FAR1: variants seen among roughly 807,000 people sequenced by gnomAD.
The protein encoded by FAR1 is male sterility domain-containing protein 2.
Under a neutral mutation model 61.1 loss-of-function variants are expected in FAR1, and 22 were observed. The ratio of observed to expected loss-of-function variants is 0.36; its 90% CI spans 0.26 to 0.51. The LOEUF is 0.51. Ranked by LOEUF, FAR1 falls within the 20% of genes least tolerant of loss-of-function variation. The probability of loss-of-function intolerance (pLI) is 0.95; values close to 1 mark genes in which losing one functional copy is unlikely to be tolerated. For missense variants in FAR1, 359 were observed against 626.9 expected (o/e 0.57, Z 4.56); for synonymous variants, 206 against 209.7 (o/e 0.98, Z 0.15).
intron 2 of FAR1, among the ~76,000 whole-genome samples, chr11:13,698,658 G>A (rs1170613383): frequency 1.3e-5 from 2 of 151,946 alleles, no homozygotes; most frequent in Non-Finnish European, 2.9e-5. Context: ...GTGAAACCCC[G>A]TCTCTACTAA....
chr11:13,677,264 C>T (rs1159259625), intron 1 of FAR1, among the ~76,000 whole-genome samples: 4 of 152,076 alleles, frequency 2.6e-5, no homozygotes, highest in South Asian at 4.1e-4. Context: ...TTAGGGTAGG[C>T]GTGTTTTAGG....
At chr11:13,679,863 C>T (rs1188719886) in intron 1 of FAR1, among the ~76,000 whole-genome samples, 1 of 152,148 alleles carries the variant, frequency 6.6e-6, no homozygotes, top group African/African-American at 2.4e-5. Flanking sequence ...GGAACAGCAT[C>T]ATTATATGAA....
intron 4 of FAR1, among the ~76,000 whole-genome samples, chr11:13,708,447 G>GCGCACACACA (rs139902063): frequency 0.053 from 7,296 of 136,426 alleles, 231 homozygotes; most frequent in South Asian, 0.078. Flanking sequence ...GCGCGCGCGC[G>GCGCACACACA]CACACACACA....
chr11:13,692,058 C>G (rs1848256275), intron 1 of FAR1, among the ~76,000 whole-genome samples: 1 of 152,066 alleles, frequency 6.6e-6, no homozygotes, highest in African/African-American at 2.4e-5. Flanking sequence ...GTCCCAGCTA[C>G]TCGAAGGCTG....
At chr11:13,688,530 A>G (rs10832099) in intron 1 of FAR1, among the ~76,000 whole-genome samples, 4,885 of 152,184 alleles carry the variant, frequency 0.032, 113 homozygotes, top group Non-Finnish European at 0.047. Context: ...TAATTTCTCA[A>G]TTGTTAGAGG....
intron 1 of FAR1, among the ~76,000 whole-genome samples, chr11:13,674,201 C>T (rs183217590): frequency 3.3e-5 from 5 of 150,564 alleles, no homozygotes; most frequent in Admixed American, 2.0e-4. Context: ...CCCAGCTACT[C>T]GGGAGGCTGA....
chr11:13,690,606 CTCT>C (rs1204762643), intron 1 of FAR1, among the ~76,000 whole-genome samples: 1 of 152,188 alleles, frequency 6.6e-6, no homozygotes. Context: ...CTGCACCATT[CTCT>C]TCTTGTCCCA....
chr11:13,699,204 A>G (rs529569540), intron 2 of FAR1, among the ~76,000 whole-genome samples: 49 of 152,258 alleles, frequency 3.2e-4, no homozygotes, highest in African/African-American at 1.0e-3. Flanking sequence ...TGTTTCTCCT[A>G]TGCAGGCCCG....
chr11:13,715,851 G>C (rs1370397279), intron 9 of FAR1: 1 of 151,918 alleles, frequency 6.6e-6, no homozygotes, highest in Non-Finnish European at 1.5e-5. Flanking sequence ...GTATAAAGAA[G>C]ATGCTGATCC....
At chr11:13,688,223 A>G (rs1185585720) in intron 1 of FAR1, among the ~76,000 whole-genome samples, 1 of 148,518 alleles carries the variant, frequency 6.7e-6, no homozygotes, top group Non-Finnish European at 1.5e-5. Flanking sequence ...TGGTGGCATT[A>G]TGCTAAGTTG....
At chr11:13,705,940 G>T (rs1848426995) in intron 3 of FAR1, among the ~76,000 whole-genome samples, 1 of 152,088 alleles carries the variant, frequency 6.6e-6, no homozygotes, top group Non-Finnish European at 1.5e-5. Context: ...AAATGTGATA[G>T]ACATCAAAGC....
intron 1 of FAR1, among the ~76,000 whole-genome samples, chr11:13,674,326 A>G (rs549317211): frequency 2.3e-3 from 349 of 151,748 alleles, no homozygotes; most frequent in Middle Eastern, 6.9e-3. Flanking sequence ...AAAAAAAAAG[A>G]AAAAAAGAAA....
intron 1 of FAR1, among the ~76,000 whole-genome samples, chr11:13,670,382 A>T (rs1847985150): frequency 6.6e-6 from 1 of 152,130 alleles, no homozygotes; most frequent in African/African-American, 2.4e-5. Flanking sequence ...TCCACCTCCC[A>T]GGTTCAAGTG....
chr11:13,669,625 G>C (rs1487077033), intron 1 of FAR1: 3 of 152,270 alleles, frequency 2.0e-5, no homozygotes, highest in African/African-American at 7.2e-5. Flanking sequence ...CGGTGTCGGA[G>C]AGTGGAGGGT....
In FAR1 at chr11:13,721,730, G is replaced by A; in HGVS notation, c.1128G>A (p.Arg376=). 6.2e-7 allele frequency: 1 copy of A among 1,609,056 alleles called. No homozygotes were observed. The highest frequency in any genetic ancestry group is 8.5e-7 in the Non-Finnish European group (1 of 1,178,176). The change falls in exon 10 of 12, where the codon AGG becomes AGA. Residue 376 remains arginine (R), a splice_region_variant and synonymous_variant. Coordinates refer to ENST00000354817, the MANE Select transcript of FAR1 (RefSeq NM_032228.6). This position sits in a 1 kb window ranked among gnomAD's most constrained non-coding sequence, Gnocchi z 4.2. ...TCTGTCCATTTTTCTTACAATACAG[G>A]ATGATGAAAACAATAACTCGTCTTC... is the stretch of plus-strand genomic sequence containing the variant. ...IYLRMTGRSP[R]MMKTITRLHK... is the part of the protein sequence containing the mutation.
chr11:13,713,642 T>G (rs887037186), intron 8 of FAR1, among the ~76,000 whole-genome samples: 1 of 152,008 alleles, frequency 6.6e-6, no homozygotes, highest in Non-Finnish European at 1.5e-5. Context: ...AAAGTAAAAT[T>G]TTTTTGGCAT....
At chr11:13,712,468 C>T (rs1182657411) in intron 7 of FAR1, among the ~76,000 whole-genome samples, 1 of 152,038 alleles carries the variant, frequency 6.6e-6, no homozygotes, top group Non-Finnish European at 1.5e-5. Context: ...GTAGCATTTA[C>T]AGGTAACACT....
Position 13,710,874 on chromosome 11 carries a change from AGTT to A in FAR1, c.723+8_723+10del, listed in dbSNP as rs1304183368. 1 of 1,608,494 alleles carries A rather than the reference AGTT, an allele frequency of 6.2e-7. No homozygotes were observed. The highest frequency in any genetic ancestry group is 8.5e-7 in the Non-Finnish European group (1 of 1,178,158). On this transcript the variant is annotated splice_donor_5th_base_variant and intron_variant, in intron 5 of 11. Coordinates refer to ENST00000354817, the MANE Select transcript of FAR1 (RefSeq NM_032228.6). ...CAGTTGGAAAGAACCTTTTCCAGTA[AGTT>A]GTTAGAAACCTTTATAAATAACTGG...
At chr11:13,724,270 G>T (rs185932711) in intron 10 of FAR1, among the ~76,000 whole-genome samples, 9 of 141,044 alleles carry the variant, frequency 6.4e-5, no homozygotes, top group Admixed American at 1.4e-4. Context: ...AGTAGGGGCC[G>T]GGCGTGGTGG....
Sources: allele counts gnomAD v4.1 joint callset (sites outside exome capture counted in the v4.1 genomes callset), GRCh38; gene constraint gnomAD v4.1.1; non-coding constraint Gnocchi (gnomAD v3.1); transcripts MANE v1.5; gene names NCBI Gene and HGNC (gene_info 2026-07-23, HGNC 2026-07-21).